The following TNR variants were observed in gnomAD, a reference collection of about 807,000 sequenced individuals.
TNR encodes the protein tenascin R, also known as tenascin-R.
TNR carries 45 observed loss-of-function variants against 150.4 expected under a neutral mutation model. That is an observed-to-expected ratio of 0.30 (90% CI 0.24 to 0.38). TNR has a LOEUF of 0.38. TNR is among the 10% of genes least tolerant of loss of function. The pLI, the probability that TNR is intolerant of heterozygous loss-of-function variation, is 1.00. For synonymous variants in TNR, 687 were observed against 678.4 expected (o/e 1.01, Z -0.20); for missense variants, 1,544 against 1,759.1 (o/e 0.88, Z 2.19).
chr1:175,622,331 G>A (rs1447350956), intron 1 of TNR, among the ~76,000 whole-genome samples: 1 of 152,168 alleles, frequency 6.6e-6, no homozygotes, highest in African/African-American at 2.4e-5. Context: ...GGGGCACCAG[G>A]CACCCATAGC....
chr1:175,443,727 G>T (rs1389727899), intron 2 of TNR, among the ~76,000 whole-genome samples: 1 of 152,036 alleles, frequency 6.6e-6, no homozygotes, highest in Non-Finnish European at 1.5e-5. Context: ...AGGAGGGAGG[G>T]TCCATGAGAA....
rs199944963 is a variant in TNR, at chr1:175,331,162, TTTCCTTCCTTCCTTCCTTCC to T, written c.3632-947_3632-928del. 3.9e-4 allele frequency among the ~76,000 whole-genome samples: 28 copies of T among 70,910 alleles called. 1 individual carries two copies. Among genetic ancestry groups the T allele is most frequent in the African/African-American group, 1.4e-3 (20 of 14,030 alleles). 46.5% of individuals were successfully genotyped at this position (70,910 alleles called of 152,430 possible). ...TTCTTTCTTCCTTTCTTTCTTTTTC[TTTCCTTCCTTCCTTCCTTCC>T]TTCCTTCCTTCCTTCCTTCCTTCCT... On this transcript the variant is annotated intron_variant, in intron 20 of 22. Transcript: ENST00000367674.
chr1:175,483,876 C>A (rs1393603811), intron 2 of TNR, among the ~76,000 whole-genome samples: 1 of 152,174 alleles, frequency 6.6e-6, no homozygotes, highest in African/African-American at 2.4e-5. Flanking sequence ...CTGTCACCTA[C>A]CCCTCTTGCT....
intron 1 of TNR, among the ~76,000 whole-genome samples, chr1:175,568,772 T>G (rs766499522): frequency 1.1e-4 from 17 of 152,160 alleles, no homozygotes; most frequent in Non-Finnish European, 2.5e-4. Flanking sequence ...TCTTAGGGAC[T>G]TGAGACTCTT....
rs1379927281 is a variant in TNR, at chr1:175,589,421, G to GT, written c.-164-61053dup. ...GATAATTAGAGGTTTATTCTGGAAA[G>GT]TTTTCCTAACCATTCACTCATGTAC... On this transcript the variant is annotated intron_variant, in intron 1 of 22. Coordinates refer to ENST00000367674, the MANE Select transcript of TNR (RefSeq NM_003285.3). Among the ~76,000 whole-genome samples the GT allele has an allele frequency of 3.9e-5, 6 of 152,128 alleles. No homozygotes were observed. The South Asian group carries it at 1.2e-3, about 32-fold the overall frequency.
At chr1:175,389,107 C>T (rs999622353) in intron 7 of TNR, among the ~76,000 whole-genome samples, 1 of 152,182 alleles carries the variant, frequency 6.6e-6, no homozygotes, top group African/African-American at 2.4e-5. Context: ...AGAAGCTGCA[C>T]CTGCTATTGT....
chr1:175,625,974 G>T (rs902631529), intron 1 of TNR, among the ~76,000 whole-genome samples: 3 of 150,994 alleles, frequency 2.0e-5, no homozygotes, highest in African/African-American at 7.4e-5. Context: ...ACCCGGGGGG[G>T]AGGTAATTGA....
At chr1:175,348,920 T>C (rs1051922014) in intron 18 of TNR, among the ~76,000 whole-genome samples, 1 of 151,916 alleles carries the variant, frequency 6.6e-6, no homozygotes, top group African/African-American at 2.4e-5. Context: ...CGGTGGAAAA[T>C]TGACAAACTA....
At chr1:175,409,854 T>C (rs1472591702) in intron 2 of TNR, among the ~76,000 whole-genome samples, 2 of 107,412 alleles carry the variant, frequency 1.9e-5, no homozygotes, top group African/African-American at 6.8e-5. Flanking sequence ...TTCAAGTGTG[T>C]GTGGGTGGGT....
At chr1:175,722,843 G>T (rs1246194854) in intron 1 of TNR, among the ~76,000 whole-genome samples, 1 of 151,754 alleles carries the variant, frequency 6.6e-6, no homozygotes, top group African/African-American at 2.4e-5. Context: ...CCAGGCTGGA[G>T]TGCAGTGGCA....
At chr1:175,411,308 T>C (rs900476012) in intron 2 of TNR, among the ~76,000 whole-genome samples, 2 of 152,196 alleles carry the variant, frequency 1.3e-5, no homozygotes, top group African/African-American at 4.8e-5. Flanking sequence ...GATGAGCGAT[T>C]GGGCTAGAAC....
intron 2 of TNR, among the ~76,000 whole-genome samples, chr1:175,439,220 G>T (rs1022433599): frequency 2.0e-5 from 3 of 151,376 alleles, no homozygotes; most frequent in Non-Finnish European, 4.4e-5. Context: ...AAATAATGCC[G>T]CATATCTACA....
In TNR at chr1:175,537,449, C is replaced by T. The variant is rs372636039; in HGVS notation, c.-164-9080G>A. On this transcript the variant is annotated intron_variant, in intron 1 of 22. Transcript: ENST00000367674. ...AAAGTTGTGACCTTCAGGAGCAGAG[C>T]CTGAGTACATTTTTTCCTAATGGTG... is the stretch of plus-strand genomic sequence containing the variant. Among the ~76,000 whole-genome samples the T allele has an allele frequency of 7.2e-5, 11 of 152,264 alleles. No individual in the cohort carries two copies. In the South Asian group the frequency reaches 1.0e-3, roughly 14 times the overall value.
chr1:175,645,606 A>C (rs41353151), intron 1 of TNR, among the ~76,000 whole-genome samples: 4,957 of 152,334 alleles, frequency 0.033, 176 homozygotes, highest in African/African-American at 0.085. Context: ...GCTGATTCTT[A>C]AAATGGCCTT....
At chr1:175,394,781 C>T (rs983113198) in intron 5 of TNR, among the ~76,000 whole-genome samples, 4 of 152,204 alleles carry the variant, frequency 2.6e-5, no homozygotes, top group African/African-American at 9.6e-5. Context: ...TGCAAGCCCA[C>T]TTGAAGTTGT....
intron 2 of TNR, among the ~76,000 whole-genome samples, chr1:175,493,927 C>T (rs1235101404): frequency 2.6e-5 from 4 of 152,170 alleles, no homozygotes; most frequent in Non-Finnish European, 4.4e-5. Flanking sequence ...CAGGAGCCTC[C>T]GTGAGATCCA....
chr1:175,437,797 C>A (rs1421509570), intron 2 of TNR, among the ~76,000 whole-genome samples: 1 of 152,056 alleles, frequency 6.6e-6, no homozygotes, highest in Non-Finnish European at 1.5e-5. Context: ...ATAAATTCCT[C>A]GACACATACA....
intron 2 of TNR, among the ~76,000 whole-genome samples, chr1:175,434,325 G>A (rs1019890465): frequency 2.6e-5 from 4 of 152,090 alleles, no homozygotes; most frequent in African/African-American, 9.7e-5. Flanking sequence ...GCCTGATAAT[G>A]GATCACCTCT....
At chr1:175,666,848 G>A (rs916817971) in intron 1 of TNR, among the ~76,000 whole-genome samples, 1 of 152,182 alleles carries the variant, frequency 6.6e-6, no homozygotes, top group African/African-American at 2.4e-5. Context: ...CCAGGTTCAA[G>A]CAATCCTCCC....
Sources: allele counts gnomAD v4.1 joint callset (sites outside exome capture counted in the v4.1 genomes callset), GRCh38; gene constraint gnomAD v4.1.1; transcripts MANE v1.5; gene names NCBI Gene and HGNC (gene_info 2026-07-23, HGNC 2026-07-21).